SRPK1: variants seen among roughly 807,000 people sequenced by gnomAD.
SRPK1 encodes SRSF protein kinase 1.
A neutral mutation model predicts 89.5 loss-of-function variants in SRPK1; 52 were observed. That is an observed-to-expected ratio of 0.58 (90% confidence interval 0.46 to 0.73). The LOEUF (loss-of-function observed/expected upper bound fraction) is 0.73. Among genes scored for constraint, SRPK1 ranks in the 30% least tolerant of loss-of-function variants. The pLI, the probability that SRPK1 is intolerant of heterozygous loss-of-function variation, is 0.00. For synonymous variants in SRPK1, 255 were observed against 270.2 expected (o/e 0.94, Z 0.55); for missense variants, 603 against 780.6 (o/e 0.77, Z 2.71).
At chr6:35,873,734 C>T (rs1770092763) in intron 7 of SRPK1, among the ~76,000 whole-genome samples, 1 of 152,134 alleles carries the variant, frequency 6.6e-6, no homozygotes, top group Non-Finnish European at 1.5e-5. Flanking sequence ...AGGTGATCTG[C>T]CCGCCTCGGC....
intron 13 of SRPK1, among the ~76,000 whole-genome samples, chr6:35,845,424 G>C (rs1225165477): frequency 1.3e-5 from 2 of 152,120 alleles, no homozygotes; most frequent in Non-Finnish European, 2.9e-5. Context: ...AAAAAATAAA[G>C]TCTATTAAGA....
At chr6:35,837,046 T>C (rs1001467648) in intron 15 of SRPK1, among the ~76,000 whole-genome samples, 11 of 152,094 alleles carry the variant, frequency 7.2e-5, no homozygotes, top group Non-Finnish European at 1.3e-4. Flanking sequence ...CATGGCACAA[T>C]GGGGGTAGAA....
chr6:35,835,576 T>A, intron 15 of SRPK1, 88 bp from the exon 16 acceptor site: 1 of 1,277,550 alleles, frequency 7.8e-7, no homozygotes, highest in Non-Finnish European at 1.1e-6. Flanking sequence ...CTAACCCATG[T>A]AGTCTATGAG....
chr6:35,869,367 T>C (rs1374868277), intron 11 of SRPK1, 115 bp downstream of exon 11: 1 of 1,285,434 alleles, frequency 7.8e-7, no homozygotes, highest in East Asian at 2.3e-5. Context: ...TAAACGTAAC[T>C]TAGACACACC....
rs575593204 is a variant in SRPK1, at chr6:35,865,084, TA to T, written c.1512+3925del. Among the ~76,000 whole-genome samples the T allele has an allele frequency of 6.0e-4, 91 of 152,200 alleles. 1 individual carries two copies. The South Asian group carries it at 6.4e-3, about 11-fold the overall frequency. ...GGGAGATAAGGATGATTAATGGGTA[TA>T]AAAAAATTACTTACAAATAATAAGA... On this transcript the variant is annotated intron_variant, in intron 12 of 15. Transcript: ENST00000373825.
At position 35,882,176 on chromosome 6, in the gene SRPK1, A is replaced by AGC. The variant is rs1561984454; in HGVS notation, c.478+4547_478+4548insGC. Among the ~76,000 whole-genome samples, 1,226 of 143,732 alleles carry AGC rather than the reference A, an allele frequency of 8.5e-3. 17 individuals carry two copies. Among genetic ancestry groups the AGC allele is most frequent in the African/African-American group, 0.032 (1,190 of 36,864 alleles). The allele number at this position is 143,732 out of a possible 152,430, so 94.3% of individuals were successfully genotyped here. ...GTAGTAGTAGTAGCAGCAGCAGCAG[A>AGC]AGAAGAAGAAGACAAAAAGAAAATA... On this transcript the variant is annotated intron_variant, in intron 6 of 15. Coordinates refer to ENST00000373825, the MANE Select transcript of SRPK1 (RefSeq NM_003137.5).
At chr6:35,851,039 A>G (rs1419463866) in intron 13 of SRPK1, among the ~76,000 whole-genome samples, 2 of 152,222 alleles carry the variant, frequency 1.3e-5, no homozygotes, top group African/African-American at 2.4e-5. Flanking sequence ...TCAGGCCACT[A>G]TGTGATAATG....
At chr6:35,880,326 A>G (rs1770244413) in intron 6 of SRPK1, among the ~76,000 whole-genome samples, 1 of 152,112 alleles carries the variant, frequency 6.6e-6, no homozygotes, top group Admixed American at 6.6e-5. Flanking sequence ...ATCAAGTGTG[A>G]GGAATAGAAA....
intron 2 of SRPK1, 188 bp downstream of exon 2, chr6:35,920,280 G>T: frequency 2.9e-6 from 2 of 679,618 alleles, no homozygotes; most frequent in Non-Finnish European, 5.4e-6. Context: ...TAAGACCCAG[G>T]CCTGGCGTTG....
chr6:35,864,982 C>A (rs1769862944), intron 12 of SRPK1, among the ~76,000 whole-genome samples: 2 of 151,870 alleles, frequency 1.3e-5, no homozygotes, highest in East Asian at 1.9e-4. Flanking sequence ...AGCTAAAAAT[C>A]AAAACAATAG....
rs954797788 is a variant in SRPK1, at chr6:35,874,277, A to G, written c.541T>C (p.Tyr181His). Residue 181 changes from tyrosine (Y) to histidine (H), a missense_variant, in exon 7 of 16, where the codon TAT becomes CAT. Tyr to His is a moderately conservative substitution (Grantham distance 83). Coordinates refer to ENST00000373825, the MANE Select transcript of SRPK1 (RefSeq NM_003137.5). ...ACACAAGGCAGTGGAAGCCCCTGATAATTGGATTTGATGATCCACTTGAGC... is the reference window on the plus strand; with the variant it reads ...ACACAAGGCAGTGGAAGCCCCTGATGATTGGATTTGATGATCCACTTGAGC... ...HLLKWIIKSN[Y>H]QGLPLPCVKK... is the part of the protein sequence containing the mutation. The G allele has an allele frequency of 2.5e-6, 4 of 1,613,530 alleles. No individual in the cohort carries two copies. The highest frequency in any genetic ancestry group is 3.4e-6 in the Non-Finnish European group (4 of 1,179,688).
chr6:35,863,603 A>G (rs1024812567), intron 12 of SRPK1, among the ~76,000 whole-genome samples: 1 of 150,288 alleles, frequency 6.7e-6, no homozygotes, highest in Non-Finnish European at 1.5e-5. Context: ...AGGCCCACTG[A>G]TCCCCAGGCA....
intron 13 of SRPK1, among the ~76,000 whole-genome samples, chr6:35,845,909 G>A (rs1769416387): frequency 6.6e-6 from 1 of 152,164 alleles, no homozygotes; most frequent in Non-Finnish European, 1.5e-5. Flanking sequence ...AAGAAAGGCT[G>A]AAGTGCTGGA....
intron 8 of SRPK1, 81 bp from the exon 9 acceptor site, chr6:35,871,040 A>G: frequency 8.5e-7 from 1 of 1,175,156 alleles, no homozygotes; most frequent in Non-Finnish European, 1.2e-6. Context: ...ACACTCTACC[A>G]GAATGAAAAG....
chr6:35,900,650 C>T (rs371230217), intron 2 of SRPK1, among the ~76,000 whole-genome samples: 153 of 152,188 alleles, frequency 1.0e-3, no homozygotes, highest in African/African-American at 3.6e-3. Flanking sequence ...ATGAAGAGAG[C>T]TATAGAGAAA....
chr6:35,860,650 G>C (rs988694493), intron 12 of SRPK1, among the ~76,000 whole-genome samples: 1 of 152,182 alleles, frequency 6.6e-6, no homozygotes, highest in Non-Finnish European at 1.5e-5. Flanking sequence ...TATAGATACA[G>C]TGGTAAACCA....
chr6:35,880,789 G>GAAA (rs35013856), intron 6 of SRPK1, among the ~76,000 whole-genome samples: 1,739 of 107,368 alleles, frequency 0.016, 21 homozygotes, highest in Middle Eastern at 0.048. Flanking sequence ...CAGAATATTT[G>GAAA]AAAAAAAAAA....
chr6:35,887,986 A>G (rs754594700), intron 5 of SRPK1, 38 bp downstream of exon 5: 5 of 1,403,828 alleles, frequency 3.6e-6, no homozygotes, highest in African/African-American at 2.9e-5. Context: ...TGATTTATTT[A>G]TAATTCTTCA....
intron 13 of SRPK1, among the ~76,000 whole-genome samples, chr6:35,847,834 ATTTT>A (rs896890340): frequency 2.2e-4 from 33 of 148,062 alleles, no homozygotes; most frequent in Non-Finnish European, 4.1e-4. Flanking sequence ...TTTTTATTTT[ATTTT>A]TTTTTTTGAG....
Sources: allele counts gnomAD v4.1 joint callset (sites outside exome capture counted in the v4.1 genomes callset), GRCh38; gene constraint gnomAD v4.1.1; transcripts MANE v1.5; gene names NCBI Gene and HGNC (gene_info 2026-07-23, HGNC 2026-07-21).